Variants in ITGB5 observed in about 807,000 individuals in gnomAD.
ITGB5 encodes the protein integrin beta-5.
Under a neutral mutation model 84.8 loss-of-function variants are expected in ITGB5, and 38 were observed. That is an observed-to-expected ratio of 0.45 (90% confidence interval 0.35 to 0.59). The LOEUF (loss-of-function observed/expected upper bound fraction) is 0.59. Ranked by LOEUF, ITGB5 falls within the 20% of genes least tolerant of loss-of-function variation. The pLI is 0.01. For missense variants in ITGB5, 905 were observed against 1,034.5 expected, an observed-to-expected ratio of 0.87 and a Z score of 1.72; for synonymous variants, 393 against 414.4, an observed-to-expected ratio of 0.95 and a Z score of 0.63.
intron 14 of ITGB5, 98 bp downstream of exon 14, chr3:124,764,293 C>CAAAG: frequency 7.7e-7 from 1 of 1,300,960 alleles, no homozygotes; most frequent in Admixed American, 2.3e-5. Flanking sequence ...TTTTTAATGC[C>CAAAG]AAAGACATTA....
At chr3:124,763,838 A>C in intron 14 of ITGB5, 120 bp from the exon 15 acceptor site, 1 of 621,220 alleles carries the variant, frequency 1.6e-6, no homozygotes, top group Non-Finnish European at 2.9e-6. Flanking sequence ...CAGGCAGAGC[A>C]CTCAGGAGGA....
chr3:124,875,426 G>A (rs989805189), intron 1 of ITGB5, among the ~76,000 whole-genome samples: 3 of 143,556 alleles, frequency 2.1e-5, no homozygotes, highest in East Asian at 2.1e-4. Flanking sequence ...GCAGTGAGCC[G>A]AGATAGTGCC....
chr3:124,880,088 A>C (rs1046098918), intron 1 of ITGB5, among the ~76,000 whole-genome samples: 11 of 152,356 alleles, frequency 7.2e-5, no homozygotes, highest in African/African-American at 2.6e-4. Context: ...AGAAAATCCC[A>C]AGAGGGGGAT....
Position 124,819,609 on chromosome 3 carries a change from T to C in ITGB5, c.1038+130A>G, listed in dbSNP as rs941707475. The C allele has an allele frequency of 1.7e-5, 12 of 697,700 alleles. No homozygotes were observed. In the East Asian group the frequency reaches 2.8e-4, roughly 16 times the overall value. The allele number at this position is 697,700 out of a possible 1,614,324, so 43.2% of individuals were successfully genotyped here. A position where few individuals can be genotyped will look rare whatever the true frequency, so the allele number is the denominator to read the frequency against. ...ATGCTTAATTGTTTCCTCCTATTAT[T>C]TTCCATTAGATCAAGACTGGGCTAT... On this transcript the variant is annotated intron_variant, in intron 7 of 14. Coordinates refer to ENST00000296181, the MANE Select transcript of ITGB5 (RefSeq NM_002213.5).
chr3:124,838,606 A>AT (rs1054501469), intron 5 of ITGB5, among the ~76,000 whole-genome samples: 120 of 147,426 alleles, frequency 8.1e-4, no homozygotes, highest in Middle Eastern at 3.5e-3. Context: ...AGTCATTAAA[A>AT]TTTTTTTTTT....
chr3:124,885,270 CA>C lies in ITGB5; in HGVS notation c.70+1660del, dbSNP rs879468726. On this transcript the variant is annotated intron_variant, in intron 1 of 14. Coordinates refer to ENST00000296181, the MANE Select transcript of ITGB5 (RefSeq NM_002213.5). ...GGGCTACAAGACTGAAACTCTGACT[CA>C]AAAAAAAAAAATTATTTGCAACTAG... is the stretch of plus-strand genomic sequence containing the variant. Among the ~76,000 whole-genome samples the C allele has an allele frequency of 5.7e-3, 809 of 142,248 alleles. 10 individuals are homozygous for C. Among genetic ancestry groups the C allele is most frequent in the African/African-American group, 0.018 (683 of 38,972 alleles). The allele number at this position is 142,248 out of a possible 152,430, so 93.3% of individuals were successfully genotyped here.
chr3:124,871,477 A>C (rs1934047481), intron 2 of ITGB5, among the ~76,000 whole-genome samples: 1 of 152,144 alleles, frequency 6.6e-6, no homozygotes, highest in African/African-American at 2.4e-5. Context: ...TACAGGCGTG[A>C]GCCACCGCGC....
chr3:124,892,957 A>G (rs769309728), intron 1 of ITGB5, among the ~76,000 whole-genome samples: 35 of 152,306 alleles, frequency 2.3e-4, no homozygotes, highest in Middle Eastern at 3.4e-3. Flanking sequence ...ATCCTACAGT[A>G]TACCCCTTAG....
intron 3 of ITGB5, among the ~76,000 whole-genome samples, chr3:124,853,296 T>C (rs2065181630): frequency 1.3e-5 from 2 of 152,218 alleles, no homozygotes; most frequent in Non-Finnish European, 2.9e-5. Flanking sequence ...CAGACAGCTC[T>C]TCCAGTCACT....
At chr3:124,794,222 G>C (rs911337123) in intron 10 of ITGB5, among the ~76,000 whole-genome samples, 1 of 152,164 alleles carries the variant, frequency 6.6e-6, no homozygotes, top group Non-Finnish European at 1.5e-5. Flanking sequence ...CAGGTGGCAT[G>C]GTGTTAGATA....
At chr3:124,788,079 T>G (rs1226599097) in intron 10 of ITGB5, among the ~76,000 whole-genome samples, 1 of 152,070 alleles carries the variant, frequency 6.6e-6, no homozygotes. Context: ...GGATAATTTT[T>G]TGTAGAGACG....
intron 1 of ITGB5, among the ~76,000 whole-genome samples, chr3:124,896,085 C>T (rs955698541): frequency 3.9e-5 from 6 of 152,154 alleles, no homozygotes; most frequent in Admixed American, 1.3e-4. Context: ...GCATAGAAGA[C>T]GGAATGCCTG....
chr3:124,816,485 A>G (rs528194580), intron 8 of ITGB5, among the ~76,000 whole-genome samples: 5 of 152,346 alleles, frequency 3.3e-5, no homozygotes, highest in African/African-American at 1.2e-4. Flanking sequence ...TAGTCTGTGT[A>G]TAACTTAGTT....
chr3:124,765,717 A>T lies in ITGB5; in HGVS notation c.2137+509T>A, dbSNP rs114685976. On this transcript the variant is annotated intron_variant, in intron 13 of 14. Coordinates refer to ENST00000296181, the MANE Select transcript of ITGB5 (RefSeq NM_002213.5). ...CCAGCTGCACATTCATCTTTCTTCT[A>T]AACTCTAGGAGTGGAGCAGCAGTGA... 1.2e-3 allele frequency among the ~76,000 whole-genome samples: 189 copies of T among 152,278 alleles called. 1 individual carries two copies. Among genetic ancestry groups the T allele is most frequent in the African/African-American group, 4.2e-3 (174 of 41,558 alleles).
intron 8 of ITGB5, among the ~76,000 whole-genome samples, chr3:124,815,521 C>T (rs956193166): frequency 2.0e-5 from 3 of 152,248 alleles, no homozygotes; most frequent in African/African-American, 7.2e-5. Context: ...CAAGCGGTGG[C>T]CTCCCTGCCT....
intron 11 of ITGB5, among the ~76,000 whole-genome samples, chr3:124,770,937 G>A (rs1306292324): frequency 6.6e-6 from 1 of 151,396 alleles, no homozygotes; most frequent in Non-Finnish European, 1.5e-5. Context: ...ATTAGCACAG[G>A]GCTAAGAGGG....
intron 10 of ITGB5, among the ~76,000 whole-genome samples, chr3:124,778,373 C>T (rs145565316): frequency 4.6e-5 from 7 of 152,368 alleles, no homozygotes; most frequent in African/African-American, 1.4e-4. Flanking sequence ...GGCCAAGACA[C>T]AGCCTCTTGC....
intron 10 of ITGB5, among the ~76,000 whole-genome samples, chr3:124,774,832 T>C (rs553673522): frequency 6.6e-6 from 1 of 152,298 alleles, no homozygotes; most frequent in South Asian, 2.1e-4. Flanking sequence ...GCTTCCTATA[T>C]GAGCACCTTA....
chr3:124,767,481 C>CAGCTGTGCA, intron 12 of ITGB5, among the ~76,000 whole-genome samples: 2 of 152,354 alleles, frequency 1.3e-5, no homozygotes, highest in East Asian at 3.9e-4. Context: ...GGTTGGGAAG[C>CAGCTGTGCA]AGCTGTGCAT....
Sources: gnomAD v4.1 joint callset for allele counts (sites outside exome capture counted in the v4.1 genomes callset) on GRCh38, gnomAD v4.1.1 for gene constraint, MANE v1.5 for transcripts, NCBI Gene and HGNC (gene_info 2026-07-23, HGNC 2026-07-21) for gene names.